Variants in AKAP19 observed in about 807,000 individuals in gnomAD.
AKAP19 encodes small A-kinase anchoring protein.
At chr2:189,939,187 A>T in the AKAP19 span, among the ~76,000 whole-genome samples, 1 of 152,184 alleles carries the variant, frequency 6.6e-6, no homozygotes, top group Admixed American at 6.5e-5. Flanking sequence ...ACCAAAGGAG[A>T]TGCCAAATCA....
the AKAP19 span, among the ~76,000 whole-genome samples, chr2:189,998,402 G>T: frequency 1.3e-5 from 2 of 151,380 alleles, no homozygotes; most frequent in African/African-American, 4.8e-5. Flanking sequence ...TTTTCTTAAT[G>T]AAAAAAAAAT....
At chr2:190,163,455 C>A in the AKAP19 span, among the ~76,000 whole-genome samples, 2,818 of 136,086 alleles carry the variant, frequency 0.021, 84 homozygotes, top group African/African-American at 0.072. Context: ...AAACAAAAAA[C>A]AAAAAAAAAA....
chr2:189,951,194 CTTTTTTTTTTTT>C, the AKAP19 span, among the ~76,000 whole-genome samples: 94 of 60,444 alleles, frequency 1.6e-3, 1 homozygote, highest in Admixed American at 1.9e-3. Context: ...CTGAATCCTC[CTTTTTTTTTTTT>C]TTTTTTTTTT....
the AKAP19 span, among the ~76,000 whole-genome samples, chr2:190,195,727 A>C: frequency 2.6e-5 from 4 of 152,132 alleles, no homozygotes; most frequent in African/African-American, 9.7e-5. Flanking sequence ...CATTTTCTTG[A>C]CCATGTCTTA....
chr2:190,048,759 T>TG, the AKAP19 span, among the ~76,000 whole-genome samples: 1 of 152,182 alleles, frequency 6.6e-6, no homozygotes, highest in Admixed American at 6.5e-5. Flanking sequence ...AGAATCCATG[T>TG]GGTTATTAGG....
chr2:190,048,144 C>T, the AKAP19 span, among the ~76,000 whole-genome samples: 1 of 143,084 alleles, frequency 7.0e-6, no homozygotes, highest in Non-Finnish European at 1.6e-5. Flanking sequence ...CTTGATTTTA[C>T]TCTAGGCATC....
chr2:189,930,287 A>AGT, the AKAP19 span: 1 of 573,852 alleles, frequency 1.7e-6, no homozygotes, highest in Admixed American at 3.1e-5. Flanking sequence ...GGTTGAAAGC[A>AGT]GTGCTGCATC....
the AKAP19 span, among the ~76,000 whole-genome samples, chr2:189,914,414 AT>A: frequency 6.6e-6 from 1 of 151,992 alleles, no homozygotes; most frequent in South Asian, 2.1e-4. Flanking sequence ...TAAAAATTTT[AT>A]TTGTTTATTT....
chr2:190,148,829 T>C, the AKAP19 span, among the ~76,000 whole-genome samples: 1 of 152,234 alleles, frequency 6.6e-6, no homozygotes, highest in African/African-American at 2.4e-5. Context: ...TTATCTTTTG[T>C]ATTTCAGTGG....
At chr2:190,147,356 TA>T in the AKAP19 span, among the ~76,000 whole-genome samples, 2 of 152,256 alleles carry the variant, frequency 1.3e-5, no homozygotes, top group African/African-American at 4.8e-5. Context: ...TCCGTTGGTC[TA>T]TGTGCCTATT....
chr2:189,948,664 G>A, the AKAP19 span, among the ~76,000 whole-genome samples: 12 of 151,944 alleles, frequency 7.9e-5, 1 homozygote, highest in East Asian at 1.7e-3. Context: ...TTTCTATTAG[G>A]GTCTTAATTT....
chr2:190,004,487 T>TTATTAC, the AKAP19 span, among the ~76,000 whole-genome samples: 1 of 151,856 alleles, frequency 6.6e-6, no homozygotes, highest in Non-Finnish European at 1.5e-5. Context: ...CCTATTATTA[T>TTATTAC]TCTCCAGCAG....
the AKAP19 span, among the ~76,000 whole-genome samples, chr2:189,976,820 T>C: frequency 6.6e-6 from 1 of 152,176 alleles, no homozygotes; most frequent in Non-Finnish European, 1.5e-5. Context: ...ACTAAGATTG[T>C]TGGAAAAGCG....
the AKAP19 span, among the ~76,000 whole-genome samples, chr2:189,984,284 G>C: frequency 6.6e-6 from 1 of 151,964 alleles, no homozygotes; most frequent in Non-Finnish European, 1.5e-5. Context: ...GGTACACCCT[G>C]GGGGGGCCAG....
the AKAP19 span, among the ~76,000 whole-genome samples, chr2:190,157,942 C>T: frequency 6.6e-6 from 1 of 152,196 alleles, no homozygotes; most frequent in African/African-American, 2.4e-5. Context: ...ACAGGCAGCC[C>T]GGCGCCAGGC....
At chr2:189,884,187 T>C in the AKAP19 span, among the ~76,000 whole-genome samples, 6 of 152,132 alleles carry the variant, frequency 3.9e-5, no homozygotes, top group African/African-American at 1.4e-4. Flanking sequence ...AACATATTTA[T>C]GGGGAAAAAT....
At chr2:189,995,270 G>T in the AKAP19 span, among the ~76,000 whole-genome samples, 1 of 152,086 alleles carries the variant, frequency 6.6e-6, no homozygotes, top group African/African-American at 2.4e-5. Flanking sequence ...CATTTCTTAA[G>T]TCTGTTTTAT....
chr2:190,022,411 G>A, the AKAP19 span, among the ~76,000 whole-genome samples: 2 of 152,240 alleles, frequency 1.3e-5, no homozygotes, highest in African/African-American at 2.4e-5. Flanking sequence ...TATCCCAGGA[G>A]TAAATGAACC....
the AKAP19 span, among the ~76,000 whole-genome samples, chr2:190,051,734 T>C: frequency 1.3e-5 from 2 of 152,176 alleles, no homozygotes; most frequent in Admixed American, 1.3e-4. Context: ...TTCTAGACTT[T>C]GGGACAATTT....
Sources: allele counts gnomAD v4.1 joint callset (sites outside exome capture counted in the v4.1 genomes callset), GRCh38; gene constraint gnomAD v4.1.1; transcripts MANE v1.5; gene names NCBI Gene and HGNC (gene_info 2026-07-23, HGNC 2026-07-21).